NBAS: variants seen among roughly 807,000 people sequenced by gnomAD.
NBAS encodes the protein NAG/BC035112 fusion.
NBAS carries 219 observed loss-of-function variants against 302.5 expected under a neutral mutation model. The ratio of observed to expected loss-of-function variants is 0.72; its 90% confidence interval spans 0.65 to 0.81. NBAS has a LOEUF of 0.81. Ranked by LOEUF, NBAS falls within the 30% of genes least tolerant of loss-of-function variation. The pLI, the probability that NBAS is intolerant of heterozygous loss-of-function variation, is 0.00. For synonymous variants in NBAS, 1,118 were observed against 1,021.6 expected, an observed-to-expected ratio of 1.09 and a Z score of -1.80; for missense variants, 2,932 against 2,841.6, an observed-to-expected ratio of 1.03 and a Z score of -0.72.
At chr2:15,031,021 C>T in the NBAS span, among the ~76,000 whole-genome samples, 4 of 152,190 alleles carry the variant, frequency 2.6e-5, no homozygotes, top group Non-Finnish European at 5.9e-5. Context: ...AGTTGTGAAT[C>T]ACAGATTGGC....
intron 25 of NBAS, among the ~76,000 whole-genome samples, chr2:15,407,677 A>G (rs1346444314): frequency 6.6e-6 from 1 of 152,228 alleles, no homozygotes; most frequent in Non-Finnish European, 1.5e-5. Flanking sequence ...TGGCAATTAC[A>G]CAGGTGTTCT....
At chr2:15,327,627 A>G in intron 38 of NBAS, 123 bp downstream of exon 38, 1 of 1,152,904 alleles carries the variant, frequency 8.7e-7, no homozygotes, top group East Asian at 2.4e-5. Flanking sequence ...GATGATGTCA[A>G]GTTATGCAAT....
intron 40 of NBAS, among the ~76,000 whole-genome samples, chr2:15,296,643 C>T (rs1670563005): frequency 1.3e-5 from 2 of 152,010 alleles, no homozygotes; most frequent in Non-Finnish European, 1.5e-5. Flanking sequence ...CCAGCCTGGG[C>T]AACATAGTGA....
At chr2:15,409,670 A>G (rs889322880) in intron 25 of NBAS, among the ~76,000 whole-genome samples, 2 of 151,714 alleles carry the variant, frequency 1.3e-5, no homozygotes, top group Non-Finnish European at 2.9e-5. Context: ...TCATGTCTTT[A>G]TTTCTTTCCT....
At chr2:15,335,873 T>C (rs1415051373) in intron 35 of NBAS, among the ~76,000 whole-genome samples, 1 of 152,168 alleles carries the variant, frequency 6.6e-6, no homozygotes, top group Non-Finnish European at 1.5e-5. Flanking sequence ...TAGTACTTTT[T>C]GTATCATATT....
the NBAS span, among the ~76,000 whole-genome samples, chr2:15,127,899 T>C: frequency 9.3e-3 from 1,423 of 152,262 alleles, 16 homozygotes; most frequent in African/African-American, 0.028. Flanking sequence ...ATGAGCAATG[T>C]AGGGCGACTC....
chr2:14,855,775 C>G, the NBAS span, among the ~76,000 whole-genome samples: 1 of 152,108 alleles, frequency 6.6e-6, no homozygotes, highest in Non-Finnish European at 1.5e-5. Flanking sequence ...AAGTAGGCCT[C>G]TAAGATTTTT....
chr2:15,354,533 G>C (rs1371652606), intron 33 of NBAS, among the ~76,000 whole-genome samples: 4 of 152,132 alleles, frequency 2.6e-5, no homozygotes, highest in African/African-American at 9.7e-5. Flanking sequence ...CATTTTCACA[G>C]ACAGCCATAG....
chr2:14,788,083 C>T, the NBAS span, among the ~76,000 whole-genome samples: 1 of 152,170 alleles, frequency 6.6e-6, no homozygotes, highest in African/African-American at 2.4e-5. Context: ...CATCTTCCAT[C>T]ACTGATACCC....
the NBAS span, among the ~76,000 whole-genome samples, chr2:14,847,469 A>G: frequency 6.6e-6 from 1 of 151,568 alleles, no homozygotes; most frequent in Admixed American, 6.6e-5. Flanking sequence ...AAATCAAAAA[A>G]GAACAGAAGT....
At chr2:14,929,641 G>A in the NBAS span, among the ~76,000 whole-genome samples, 2 of 152,268 alleles carry the variant, frequency 1.3e-5, no homozygotes, top group Admixed American at 6.5e-5. Context: ...GCCTCCCAAA[G>A]TGCTGGGATT....
chr2:15,477,588 A>T (rs1680245998), intron 13 of NBAS, among the ~76,000 whole-genome samples: 3 of 152,146 alleles, frequency 2.0e-5, no homozygotes, highest in Admixed American at 2.0e-4. Flanking sequence ...TGAACCTTAT[A>T]ACTATCACTG....
intron 44 of NBAS, among the ~76,000 whole-genome samples, chr2:15,263,704 T>C (rs1668949606): frequency 6.6e-6 from 1 of 152,072 alleles, no homozygotes; most frequent in Admixed American, 6.5e-5. Flanking sequence ...AGTTAAAGAC[T>C]CAGCTCAAAT....
chr2:15,445,585 G>T (rs1678691011), intron 21 of NBAS, among the ~76,000 whole-genome samples: 1 of 151,374 alleles, frequency 6.6e-6, no homozygotes, highest in Non-Finnish European at 1.5e-5. Flanking sequence ...CAGCACACCA[G>T]CATGGCACAT....
At chr2:15,257,459 C>G (rs1668654492) in intron 44 of NBAS, among the ~76,000 whole-genome samples, 1 of 147,622 alleles carries the variant, frequency 6.8e-6, no homozygotes, top group Non-Finnish European at 1.5e-5. Flanking sequence ...GTGGCACAAT[C>G]TTGGTTCACT....
chr2:14,788,540 G>A, the NBAS span, among the ~76,000 whole-genome samples: 8 of 152,290 alleles, frequency 5.3e-5, no homozygotes, highest in Admixed American at 5.2e-4. Flanking sequence ...CCTTCTAACA[G>A]ACAGGACCCT....
chr2:15,418,770 C>T (rs144519791), intron 23 of NBAS, among the ~76,000 whole-genome samples: 8 of 152,114 alleles, frequency 5.3e-5, no homozygotes, highest in Non-Finnish European at 1.0e-4. Context: ...TACAATTCCA[C>T]GTGACTGAAA....
chr2:15,410,542 C>A (rs571259215), intron 25 of NBAS, among the ~76,000 whole-genome samples: 2 of 152,046 alleles, frequency 1.3e-5, no homozygotes, highest in Non-Finnish European at 1.5e-5. Flanking sequence ...AAAAAGTCAA[C>A]ACTGATACAT....
At chr2:14,876,565 A>G in the NBAS span, among the ~76,000 whole-genome samples, 2 of 152,232 alleles carry the variant, frequency 1.3e-5, no homozygotes, top group African/African-American at 4.8e-5. Flanking sequence ...CTTAGGAATC[A>G]TTCCTGTGTA....
Sources: allele counts gnomAD v4.1 joint callset (sites outside exome capture counted in the v4.1 genomes callset), GRCh38; gene constraint gnomAD v4.1.1; transcripts MANE v1.5; gene names NCBI Gene and HGNC (gene_info 2026-07-23, HGNC 2026-07-21).